NRG2: variants seen among roughly 807,000 people sequenced by gnomAD.
NRG2 encodes the protein pro-neuregulin-2, membrane-bound isoform.
In NRG2, 27 loss-of-function variants were observed where a neutral mutation model predicts 73.9. That is an observed-to-expected ratio of 0.37 (90% confidence interval 0.27 to 0.50). NRG2 has a LOEUF of 0.50. NRG2 is among the 20% of genes least tolerant of loss of function. The pLI is 0.96. For synonymous variants in NRG2, 532 were observed against 541.0 expected (o/e 0.98, Z 0.23); for missense variants, 1,126 against 1,210.1 (o/e 0.93, Z 1.03).
intron 1 of NRG2, among the ~76,000 whole-genome samples, chr5:139,985,592 A>G (rs1260886903): frequency 6.6e-6 from 1 of 152,166 alleles, no homozygotes; most frequent in Admixed American, 6.5e-5. Context: ...TGAAAGCTAT[A>G]GACCTTCCCC....
intron 1 of NRG2, among the ~76,000 whole-genome samples, chr5:140,020,474 T>G (rs527433697): frequency 6.6e-6 from 1 of 152,302 alleles, no homozygotes; most frequent in African/African-American, 2.4e-5. Flanking sequence ...AAAATGCATC[T>G]CACCTTCCAC....
rs1212994481 is a variant in NRG2 at position 140,043,145 on chromosome 5, C to A, written c.-76G>T. 11 of 1,513,528 alleles carry A rather than the reference C, an allele frequency of 7.3e-6. No individual in the cohort carries two copies. In the South Asian group the frequency reaches 7.3e-5, roughly 10 times the overall value. 93.8% of individuals were successfully genotyped at this position (1,513,528 alleles called of 1,614,324 possible). A position where few individuals can be genotyped will look rare whatever the true frequency, so the allele number is the denominator to read the frequency against. On this transcript the variant is annotated 5_prime_UTR_variant, in exon 1 of 10. Transcript: ENST00000361474. This position sits in a 1 kb window ranked among gnomAD's most constrained non-coding sequence, Gnocchi z 6.7. ...AGGGGAAACAGAGCCCGCTGGAAAA[C>A]CGGAAACAGCGTAACGTTAGCGCCT... is the stretch of plus-strand genomic sequence containing the variant.
At chr5:139,955,013 A>C (rs982208224) in intron 1 of NRG2, among the ~76,000 whole-genome samples, 2 of 152,128 alleles carry the variant, frequency 1.3e-5, no homozygotes, top group African/African-American at 4.8e-5. Context: ...TTGCCAACTC[A>C]ATTCATGTAT....
chr5:140,016,418 T>A (rs1759784143), intron 1 of NRG2, among the ~76,000 whole-genome samples: 1 of 152,224 alleles, frequency 6.6e-6, no homozygotes, highest in African/African-American at 2.4e-5. Flanking sequence ...CATAGCATTG[T>A]CTGCAATACA....
Position 139,991,495 on chromosome 5 carries a change from G to A in NRG2, c.700+50875C>T, listed in dbSNP as rs980378375. ...TATTATCTGAGACAAAGTTTCACTC[G>A]GTCGCCCAGGCTGGAGTGCAGTGGC... On this transcript the variant is annotated intron_variant, in intron 1 of 9. Coordinates refer to ENST00000361474, the MANE Select transcript of NRG2 (RefSeq NM_004883.3). Among the ~76,000 whole-genome samples the A allele has an allele frequency of 3.0e-4, 45 of 151,672 alleles. No homozygotes were observed. The Middle Eastern group carries it at 0.01, about 34-fold the overall frequency.
intron 1 of NRG2, among the ~76,000 whole-genome samples, chr5:140,001,192 G>T (rs1343780017): frequency 6.6e-6 from 1 of 152,170 alleles, no homozygotes; most frequent in Non-Finnish European, 1.5e-5. Flanking sequence ...GTCGGGTAGA[G>T]CTTGTTTTCC....
chr5:139,855,796 A>T lies in NRG2; in HGVS notation c.1190-18T>A, dbSNP rs1761770197. 4 of 1,602,824 alleles carry T rather than the reference A, an allele frequency of 2.5e-6. No homozygotes were observed. The highest frequency in any genetic ancestry group is 2.6e-6 in the Non-Finnish European group (3 of 1,170,164). On this transcript the variant is annotated intron_variant, in intron 5 of 9. Transcript: ENST00000361474. Reference sequence around the variant, plus strand: ...CTCGGCTTCTGCAGAGGTAGGGTAGATGTGAGGGGTGGGGCAGGAGGCAAA... The same window carrying T: ...CTCGGCTTCTGCAGAGGTAGGGTAGTTGTGAGGGGTGGGGCAGGAGGCAAA...
chr5:139,877,459 C>A (rs1469690720), intron 3 of NRG2, among the ~76,000 whole-genome samples: 1 of 152,254 alleles, frequency 6.6e-6, no homozygotes, highest in African/African-American at 2.4e-5. Context: ...GCGGGCCAAA[C>A]CAACCCACCT....
At chr5:139,979,163 C>T (rs967027989) in intron 1 of NRG2, among the ~76,000 whole-genome samples, 1 of 151,616 alleles carries the variant, frequency 6.6e-6, no homozygotes, top group Admixed American at 6.6e-5. Flanking sequence ...TGCAGCACAC[C>T]AACATGGCAC....
intron 1 of NRG2, among the ~76,000 whole-genome samples, chr5:139,971,058 A>G (rs1755932276): frequency 6.6e-6 from 1 of 151,954 alleles, no homozygotes; most frequent in South Asian, 2.1e-4. Context: ...TGTTTGCTCA[A>G]CCTCAGTTTC....
intron 1 of NRG2, among the ~76,000 whole-genome samples, chr5:139,980,682 G>A (rs1050204318): frequency 1.5e-4 from 23 of 152,224 alleles, no homozygotes; most frequent in African/African-American, 4.6e-4. Flanking sequence ...TGTCTGTTCA[G>A]ACAGAATGGG....
Position 139,905,683 on chromosome 5 carries a change from T to TGG in NRG2, c.701-18174_701-18173dup, listed in dbSNP as rs11301435. On this transcript the variant is annotated intron_variant, in intron 1 of 9. Coordinates refer to ENST00000361474, the MANE Select transcript of NRG2 (RefSeq NM_004883.3). ...CTGTCTCATCAGGGGCCAGCTCTGG[T>TGG]GGGGGGGGGGCAGGTGTAAGAGACA... Among the ~76,000 whole-genome samples, 63 of 82,742 alleles carry TGG rather than the reference T, an allele frequency of 7.6e-4. 1 individual carries two copies. The highest frequency in any genetic ancestry group is 2.2e-3 in the African/African-American group (57 of 25,848). 54.3% of individuals were successfully genotyped at this position (82,742 alleles called of 152,430 possible).
chr5:139,982,536 T>A (rs1756882994), intron 1 of NRG2, among the ~76,000 whole-genome samples: 1 of 152,126 alleles, frequency 6.6e-6, no homozygotes, highest in Non-Finnish European at 1.5e-5. Context: ...GTTCATTAGT[T>A]AGTTGCTTTT....
chr5:139,901,779 C>CT (rs1291788560), intron 1 of NRG2, among the ~76,000 whole-genome samples: 6 of 152,174 alleles, frequency 3.9e-5, no homozygotes, highest in South Asian at 2.1e-4. Flanking sequence ...GCAGAGGAGA[C>CT]TTTTTTTAAA....
At chr5:139,958,623 C>A (rs1754819006) in intron 1 of NRG2, among the ~76,000 whole-genome samples, 1 of 151,992 alleles carries the variant, frequency 6.6e-6, no homozygotes, top group African/African-American at 2.4e-5. Context: ...TAGGCCATGA[C>A]CAAATATGGA....
intron 1 of NRG2, among the ~76,000 whole-genome samples, chr5:139,957,341 G>C (rs974549801): frequency 3.3e-5 from 5 of 151,762 alleles, no homozygotes; most frequent in Non-Finnish European, 7.4e-5. Flanking sequence ...GTGTGTGTGT[G>C]TGTGTGTGTG....
At chr5:139,874,648 T>C (rs1763060941) in intron 3 of NRG2, among the ~76,000 whole-genome samples, 1 of 152,222 alleles carries the variant, frequency 6.6e-6, no homozygotes, top group Non-Finnish European at 1.5e-5. Flanking sequence ...GCAGCCACAG[T>C]GGTCTTTAAA....
intron 1 of NRG2, among the ~76,000 whole-genome samples, chr5:139,973,160 A>T (rs1756107324): frequency 1.3e-5 from 1 of 77,864 alleles, no homozygotes; most frequent in Admixed American, 1.3e-4. Context: ...AATATGCAAA[A>T]AAAAAAAAAA....
At chr5:139,866,368 T>C (rs985064317) in intron 4 of NRG2, among the ~76,000 whole-genome samples, 1 of 152,194 alleles carries the variant, frequency 6.6e-6, no homozygotes, top group Non-Finnish European at 1.5e-5. Flanking sequence ...TACTTCACCA[T>C]GGATGTTGTT....
Sources: allele counts gnomAD v4.1 joint callset (sites outside exome capture counted in the v4.1 genomes callset), GRCh38; gene constraint gnomAD v4.1.1; non-coding constraint Gnocchi (gnomAD v3.1); transcripts MANE v1.5; gene names NCBI Gene and HGNC (gene_info 2026-07-23, HGNC 2026-07-21).